The following NFKBID variants were observed in gnomAD, a reference collection of about 807,000 sequenced individuals.
The protein encoded by NFKBID is NFKB inhibitor delta.
Under a neutral mutation model 53.4 loss-of-function variants are expected in NFKBID, and 26 were observed. The ratio of observed to expected loss-of-function variants is 0.49; its 90% confidence interval spans 0.36 to 0.68. NFKBID has a LOEUF of 0.68. Ranked by LOEUF, NFKBID falls within the 30% of genes least tolerant of loss-of-function variation. The probability of loss-of-function intolerance (pLI) is 0.00; values close to 1 mark genes in which losing one functional copy is unlikely to be tolerated. For missense variants in NFKBID, 493 were observed against 614.1 expected, an observed-to-expected ratio of 0.80 and a Z score of 2.08; for synonymous variants, 262 against 259.8, an observed-to-expected ratio of 1.01 and a Z score of -0.08.
rs558935193 is a variant in NFKBID at position 35,897,537 on chromosome 19, C to A, written c.432+114G>T. 113 of 712,372 alleles carry A rather than the reference C, an allele frequency of 1.6e-4. 1 individual carries two copies. The South Asian group carries it at 1.7e-3, about 11-fold the overall frequency. The allele number at this position is 712,372 out of a possible 1,614,324, so 44.1% of individuals were successfully genotyped here. A position where few individuals can be genotyped will look rare whatever the true frequency, so the allele number is the denominator to read the frequency against. On this transcript the variant is annotated intron_variant, in intron 4 of 11. Coordinates refer to ENST00000641389, the Ensembl canonical transcript of NFKBID. ...GGGATTACAGGTGTGAGCCACCACG[C>A]CCGGCCTGGAAAAGGGAATCGTAAC...
chr19:35,895,147 A>G (rs1975047611), intron 9 of NFKBID, among the ~76,000 whole-genome samples: 1 of 152,084 alleles, frequency 6.6e-6, no homozygotes, highest in African/African-American at 2.4e-5. Context: ...TAAGTGCTTG[A>G]TAACATACCC....
chr19:35,889,525 G>T (rs1974604839), intron 11 of NFKBID, among the ~76,000 whole-genome samples: 1 of 151,882 alleles, frequency 6.6e-6, no homozygotes, highest in Admixed American at 6.6e-5. Flanking sequence ...GAATTGAAGG[G>T]AACAGGTAAG....
intron 9 of NFKBID, among the ~76,000 whole-genome samples, chr19:35,892,882 G>T (rs752076390): frequency 9.9e-5 from 15 of 152,098 alleles, no homozygotes; most frequent in African/African-American, 3.6e-4. Flanking sequence ...AACATTATAG[G>T]TAGCTGGGCA....
At chr19:35,900,601 G>C (rs926569391) in exon 1 of NFKBID, 2 of 1,230,412 alleles carry the variant, frequency 1.6e-6, no homozygotes, top group Admixed American at 4.2e-5. Context: ...CCCAGTCCTG[G>C]GCAGGGCCCG....
chr19:35,892,559 A>T (rs868527109), intron 9 of NFKBID, among the ~76,000 whole-genome samples: 5 of 149,312 alleles, frequency 3.3e-5, no homozygotes, highest in African/African-American at 1.2e-4. Context: ...AAAAAAAAAA[A>T]TTATTTGTCC....
At chr19:35,891,045 G>C (rs1974730453) in intron 9 of NFKBID, among the ~76,000 whole-genome samples, 1 of 152,148 alleles carries the variant, frequency 6.6e-6, no homozygotes, top group African/African-American at 2.4e-5. Context: ...GTCTGAGAAA[G>C]AGACTCCTTT....
At chr19:35,897,751 G>A in exon 4 of NFKBID, 1 of 1,609,372 alleles carries the variant, frequency 6.2e-7, no homozygotes, top group Non-Finnish European at 8.5e-7. Context: ...GCAAGAGTAG[G>A]GGCTGTCAGT....
chr19:35,893,680 C>T (rs535531571), intron 9 of NFKBID, among the ~76,000 whole-genome samples: 3 of 151,982 alleles, frequency 2.0e-5, no homozygotes, highest in South Asian at 2.1e-4. Flanking sequence ...TTTAGCCGGG[C>T]GTGGTGGCGG....
chr19:35,893,957 TA>T, intron 9 of NFKBID, among the ~76,000 whole-genome samples: 1 of 152,132 alleles, frequency 6.6e-6, no homozygotes, highest in Non-Finnish European at 1.5e-5. Flanking sequence ...ATTCTTTAAC[TA>T]AAAAAACATT....
chr19:35,889,840 CG>C (rs1568484246), intron 11 of NFKBID, 49 bp downstream of exon 11: 4 of 1,537,302 alleles, frequency 2.6e-6, no homozygotes, highest in Non-Finnish European at 3.5e-6. Context: ...GGTCATCCCG[CG>C]CCCGCGAGCT....
rs1457771343 is a variant in NFKBID at position 35,890,633 on chromosome 19, G to A, written c.1033-143C>T. 4.1e-6 allele frequency: 3 copies of A among 738,820 alleles called. No homozygotes were observed. The African/African-American group carries it at 5.1e-5, about 13-fold the overall frequency. The allele number at this position is 738,820 out of a possible 1,614,324, so 45.8% of individuals were successfully genotyped here. On this transcript the variant is annotated intron_variant, in intron 9 of 11. Transcript: ENST00000641389. ...AATCCTAGCACTTTGGGAAGCTGAA[G>A]AAGGAGGATCACTTGAGGCCAGGAG... is the stretch of plus-strand genomic sequence containing the variant.
exon 1 of NFKBID, chr19:35,900,516 CCCGCGGAGCCG>C (rs1243450308): frequency 4.1e-6 from 5 of 1,231,722 alleles, no homozygotes; most frequent in Non-Finnish European, 2.0e-6. Flanking sequence ...CGCTGTTTCC[CCCGCGGAGCCG>C]CCGCCGGGTC....
chr19:35,889,487 T>C (rs543694022), intron 11 of NFKBID, among the ~76,000 whole-genome samples: 1 of 148,734 alleles, frequency 6.7e-6, no homozygotes, highest in African/African-American at 2.5e-5. Context: ...TGGCTGGGGG[T>C]TCCCACCTGG....
chr19:35,901,246 G>C (rs1429561555), upstream of NFKBID, among the ~76,000 whole-genome samples: 1 of 152,044 alleles, frequency 6.6e-6, no homozygotes, highest in Non-Finnish European at 1.5e-5. Flanking sequence ...GGGGCAGGGA[G>C]AATATTACTG....
upstream of NFKBID, chr19:35,901,667 C>G (rs1356410338): frequency 1.3e-5 from 2 of 149,036 alleles, no homozygotes; most frequent in Non-Finnish European, 3.0e-5. Context: ...GATCTCGGCT[C>G]ACTGCAACCT....
At chr19:35,888,891 C>G (rs578040422) in intron 11 of NFKBID, among the ~76,000 whole-genome samples, 2 of 152,182 alleles carry the variant, frequency 1.3e-5, no homozygotes, top group East Asian at 3.9e-4. Flanking sequence ...ACCAGAGATA[C>G]AAAAATTAGC....
rs1193605505 is a variant in NFKBID at position 35,896,122 on chromosome 19, G to C, written c.890C>G (p.Thr297Ser). The C allele has an allele frequency of 1.2e-6, 2 of 1,614,168 alleles. No individual in the cohort carries two copies. The highest frequency in any genetic ancestry group is 2.2e-5 in the East Asian group (1 of 44,884). Residue 297 changes from threonine to serine, a missense_variant, in exon 9 of 12, where the codon ACC becomes AGC. By Grantham distance (58) the Thr-to-Ser change is moderately conservative (BLOSUM62 1). Transcript: ENST00000641389. This position sits in a 1 kb window ranked among gnomAD's most constrained non-coding sequence, Gnocchi z 5.7. ...GGCCAGGATGGCCGTGTGGAGCGGG[G>C]TGAGGCCTGCAGAATGGAGACAGTG...
Position 35,889,841 on chromosome 19 carries a change from G to A in NFKBID, c.1314+49C>T, listed in dbSNP as rs375212820. The A allele has an allele frequency of 4.7e-5, 73 of 1,543,982 alleles. No individual in the cohort carries two copies. In the African/African-American group the frequency reaches 7.7e-4, roughly 16 times the overall value. On this transcript the variant is annotated intron_variant, in intron 11 of 11. Coordinates refer to ENST00000641389, the Ensembl canonical transcript of NFKBID. ...GGGTGGGGCAGGGAGGTCATCCCGC[G>A]CCCGCGAGCTCAGAGGCCACTCTAC...
rs1363861774 is a variant in NFKBID, at chr19:35,888,634, G to A, written c.1315-22C>T. The A allele has an allele frequency of 5.8e-6, 9 of 1,564,210 alleles. No individual in the cohort carries two copies. The East Asian group carries it at 2.2e-4, about 37-fold the overall frequency. The stretch of plus-strand genomic sequence containing the variant: ...GGAGCTGTAGACAAGGCAAAGGAGG[G>A]AGAGAAGTCTGTCAGGTTGGAAGGA... On this transcript the variant is annotated intron_variant, in intron 11 of 11. Coordinates refer to ENST00000641389, the Ensembl canonical transcript of NFKBID.
Sources: gnomAD v4.1 joint callset for allele counts (sites outside exome capture counted in the v4.1 genomes callset) on GRCh38, gnomAD v4.1.1 for gene constraint, Gnocchi (gnomAD v3.1) non-coding constraint, MANE v1.5 for transcripts, NCBI Gene and HGNC (gene_info 2026-07-23, HGNC 2026-07-21) for gene names.